Variants in CNTN5 observed in about 807,000 individuals in gnomAD.
CNTN5 encodes the protein contactin-5.
In CNTN5, 77 loss-of-function variants were observed where a neutral mutation model predicts 129.1. The observed-to-expected ratio is 0.60, with a 90% confidence interval of 0.50 to 0.72. The LOEUF (loss-of-function observed/expected upper bound fraction) is 0.72, where lower values mean the gene tolerates loss of function less well. Ranked by LOEUF, CNTN5 falls within the 30% of genes least tolerant of loss-of-function variation. CNTN5 has a pLI of 0.00. For missense variants in CNTN5, 1,478 were observed against 1,328.8 expected, an observed-to-expected ratio of 1.11 and a Z score of -1.75; for synonymous variants, 509 against 465.6, an observed-to-expected ratio of 1.09 and a Z score of -1.20.
chr11:99,725,201 T>C (rs1021504601), intron 3 of CNTN5, among the ~76,000 whole-genome samples: 1 of 152,170 alleles, frequency 6.6e-6, no homozygotes, highest in Admixed American at 6.5e-5. Context: ...CCTTCAGACT[T>C]ACATGAGATG....
chr11:99,300,409 T>C (rs1473276987), intron 1 of CNTN5, among the ~76,000 whole-genome samples: 2 of 152,130 alleles, frequency 1.3e-5, no homozygotes, highest in African/African-American at 4.8e-5. Flanking sequence ...GTTCATGTGG[T>C]GAATTACATT....
At chr11:99,201,366 C>T (rs1375740085) in intron 1 of CNTN5, among the ~76,000 whole-genome samples, 1 of 148,668 alleles carries the variant, frequency 6.7e-6, no homozygotes, top group Non-Finnish European at 1.5e-5. Flanking sequence ...TTCCTTCCTT[C>T]CTTCCTTCCT....
intron 1 of CNTN5, among the ~76,000 whole-genome samples, chr11:99,201,435 C>A (rs60672668): frequency 0.23 from 34,149 of 148,006 alleles, 3,976 homozygotes; most frequent in Middle Eastern, 0.26. Flanking sequence ...TCCTTCCTTC[C>A]TTTCTTCCTT....
intron 3 of CNTN5, among the ~76,000 whole-genome samples, chr11:99,798,286 G>A (rs951110689): frequency 8.6e-5 from 13 of 151,138 alleles, no homozygotes; most frequent in African/African-American, 3.2e-4. Flanking sequence ...TCCTGCAAAA[G>A]AAATGATCTC....
chr11:99,121,138 T>TCTTTCTTTC (rs201431995), intron 1 of CNTN5, among the ~76,000 whole-genome samples: 30,674 of 146,194 alleles, frequency 0.21, 3,605 homozygotes, highest in Middle Eastern at 0.28. Flanking sequence ...TTTCTTTCTT[T>TCTTTCTTTC]TTTTTTTTTT....
chr11:99,523,796 A>G (rs1947382184), intron 2 of CNTN5, among the ~76,000 whole-genome samples: 2 of 152,154 alleles, frequency 1.3e-5, no homozygotes, highest in African/African-American at 4.8e-5. Context: ...GTGATTGAGC[A>G]AACATAGAAC....
chr11:99,973,049 T>C (rs890010476), intron 8 of CNTN5, among the ~76,000 whole-genome samples: 2 of 151,848 alleles, frequency 1.3e-5, no homozygotes, highest in Non-Finnish European at 2.9e-5. Context: ...TAGGGTTGCC[T>C]AAAAAAAGGT....
intron 2 of CNTN5, among the ~76,000 whole-genome samples, chr11:99,339,130 C>T (rs942014426): frequency 2.0e-5 from 3 of 151,406 alleles, no homozygotes; most frequent in African/African-American, 7.3e-5. Context: ...TATATTACAA[C>T]ATCTTATGTA....
chr11:99,734,547 T>G (rs1445578742), intron 3 of CNTN5, among the ~76,000 whole-genome samples: 1 of 152,186 alleles, frequency 6.6e-6, no homozygotes, highest in Middle Eastern at 3.2e-3. Flanking sequence ...AACATTATTA[T>G]ATATCATACT....
At chr11:99,934,494 TA>T (rs1244033274) in intron 7 of CNTN5, among the ~76,000 whole-genome samples, 1 of 152,230 alleles carries the variant, frequency 6.6e-6, no homozygotes, top group African/African-American at 2.4e-5. Flanking sequence ...TTGTCTCATA[TA>T]AACATTTTCT....
intron 16 of CNTN5, among the ~76,000 whole-genome samples, chr11:100,229,196 T>TAC (rs147662737): frequency 0.3 from 45,053 of 151,794 alleles, 7,894 homozygotes; most frequent in East Asian, 0.74. Flanking sequence ...ATTAGCTTTT[T>TAC]ACACACACAC....
chr11:99,907,799 A>C (rs7944382), intron 6 of CNTN5, among the ~76,000 whole-genome samples: 118,143 of 151,736 alleles, frequency 0.78, 46,230 homozygotes, highest in East Asian at 0.86. Context: ...AAAGTTGTAA[A>C]GTTGTAAATA....
intron 4 of CNTN5, among the ~76,000 whole-genome samples, chr11:99,844,429 T>C (rs189365409): frequency 1.4e-4 from 22 of 152,338 alleles, no homozygotes; most frequent in Admixed American, 1.3e-3. Flanking sequence ...TTTTCATACC[T>C]GTAGCACCTA....
intron 23 of CNTN5, among the ~76,000 whole-genome samples, chr11:100,342,271 C>CT (rs1223544773): frequency 6.6e-6 from 1 of 151,914 alleles, no homozygotes; most frequent in African/African-American, 2.4e-5. Context: ...CCTTACTCCT[C>CT]TTTCCATACC....
rs968773843 is a variant in CNTN5 at position 100,356,452 on chromosome 11, T to G, written c.*232T>G. The G allele has an allele frequency of 7.9e-6, 4 of 505,792 alleles. No individual in the cohort carries two copies. Among genetic ancestry groups the G allele is most frequent in the Non-Finnish European group, 1.4e-5 (4 of 285,154 alleles). 31.3% of individuals were successfully genotyped at this position (505,792 alleles called of 1,614,324 possible). ...CTTAGTCCAGTAAAAATATGCAGAT[T>G]GTATGTAATGAATTTTTGTAAACAA... is the stretch of plus-strand genomic sequence containing the variant. On this transcript the variant is annotated 3_prime_UTR_variant, in exon 25 of 25. Coordinates refer to ENST00000524871, the MANE Select transcript of CNTN5 (RefSeq NM_014361.4).
At chr11:99,228,346 GT>G (rs1860803513) in intron 1 of CNTN5, among the ~76,000 whole-genome samples, 1 of 152,198 alleles carries the variant, frequency 6.6e-6, no homozygotes, top group South Asian at 2.1e-4. Context: ...TGTGAGAGGA[GT>G]TTAGCACACA....
chr11:100,066,089 A>T (rs1478664217), intron 10 of CNTN5, among the ~76,000 whole-genome samples: 1 of 152,128 alleles, frequency 6.6e-6, no homozygotes. Context: ...AGTTGCTAGA[A>T]AACACATGGG....
chr11:99,230,341 C>A (rs140647556), intron 1 of CNTN5, among the ~76,000 whole-genome samples: 1 of 152,138 alleles, frequency 6.6e-6, no homozygotes, highest in Non-Finnish European at 1.5e-5. Flanking sequence ...AGATAGCAAT[C>A]ATGAAATCTG....
intron 1 of CNTN5, among the ~76,000 whole-genome samples, chr11:99,177,123 T>G (rs1857814366): frequency 8.9e-6 from 1 of 112,622 alleles, no homozygotes; most frequent in Non-Finnish European, 1.8e-5. Context: ...GGATTCTTCA[T>G]GGAAATAAAC....
Sources: allele counts gnomAD v4.1 joint callset (sites outside exome capture counted in the v4.1 genomes callset), GRCh38; gene constraint gnomAD v4.1.1; transcripts MANE v1.5; gene names NCBI Gene and HGNC (gene_info 2026-07-23, HGNC 2026-07-21).